Variants in ATXN2 observed in about 807,000 individuals in gnomAD.
ATXN2 encodes the protein ataxin-2.
A neutral mutation model predicts 138.6 loss-of-function variants in ATXN2; 37 were observed. The observed-to-expected ratio is 0.27, with a 90% CI of 0.21 to 0.35. ATXN2 has a LOEUF of 0.35. ATXN2 is among the 10% of genes least tolerant of loss of function. The probability of loss-of-function intolerance (pLI) is 1.00; values close to 1 mark genes in which losing one functional copy is unlikely to be tolerated. For missense variants in ATXN2, 1,216 were observed against 1,480.3 expected (o/e 0.82, Z 2.93); for synonymous variants, 549 against 543.7 (o/e 1.01, Z -0.13).
At position 111,598,549 on chromosome 12, in the gene ATXN2, G is replaced by A; in HGVS notation, c.251+235C>T. On this transcript the variant is annotated intron_variant, in intron 1 of 24. Transcript: ENST00000673436. This position sits in a 1 kb window ranked among gnomAD's most constrained non-coding sequence, Gnocchi z 4.5. ...GCCCGCTCCCTCCATCTTGACCGCC[G>A]GGGGAGGGGGCGGGGATGCTGCGGG... The A allele has an allele frequency of 3.1e-6, 3 of 982,960 alleles. No individual in the cohort carries two copies. The highest frequency in any genetic ancestry group is 3.6e-6 in the Non-Finnish European group (3 of 828,746). 60.9% of individuals were successfully genotyped at this position (982,960 alleles called of 1,614,324 possible). A position where few individuals can be genotyped will look rare whatever the true frequency, so the allele number is the denominator to read the frequency against.
rs1879970908 is a variant in ATXN2, at chr12:111,518,370, A to G, written c.1044T>C (p.Ser348=). 2 of 1,613,192 alleles carry G rather than the reference A, an allele frequency of 1.2e-6. No homozygotes were observed. Among genetic ancestry groups the G allele is most frequent in the Non-Finnish European group, 1.7e-6 (2 of 1,179,454 alleles). The change falls in exon 9 of 25, where the codon AGT becomes AGC. Residue 348 remains serine (S), a synonymous_variant. Coordinates refer to ENST00000673436, the MANE Select transcript of ATXN2 (RefSeq NM_001372574.1). ...CCATACGCGGTGAATTCTGTCTCCC[A>G]CTTCCCCAGGATATGACTTCTCTAT... is the stretch of plus-strand genomic sequence containing the variant. The part of the protein sequence containing the change: ...QRNREVISWG[S]GRQNSPRMGQ...
At chr12:111,494,210 G>A (rs779585454) in intron 14 of ATXN2, among the ~76,000 whole-genome samples, 12 of 152,112 alleles carry the variant, frequency 7.9e-5, no homozygotes, top group South Asian at 2.1e-4. Flanking sequence ...GATTACACAC[G>A]TGAACCACTG....
intron 15 of ATXN2, 106 bp downstream of exon 15, chr12:111,488,370 G>C (rs1592822817): frequency 8.3e-7 from 1 of 1,203,434 alleles, no homozygotes; most frequent in East Asian, 2.4e-5. Flanking sequence ...GTATAAAGTA[G>C]TCTAAAAGTC....
chr12:111,481,394 G>A (rs1394384056), intron 18 of ATXN2, among the ~76,000 whole-genome samples: 3 of 152,136 alleles, frequency 2.0e-5, no homozygotes, highest in African/African-American at 4.8e-5. Flanking sequence ...GCAGTGAGCC[G>A]AGATTGTGCC....
At chr12:111,485,180 T>C in intron 18 of ATXN2, 85 bp downstream of exon 18, 3 of 1,318,192 alleles carry the variant, frequency 2.3e-6, no homozygotes, top group Non-Finnish European at 3.2e-6. Context: ...AGAGCTAAAC[T>C]ACAACTATTT....
At chr12:111,527,196 A>G (rs1880550237) in intron 5 of ATXN2, among the ~76,000 whole-genome samples, 1 of 152,194 alleles carries the variant, frequency 6.6e-6, no homozygotes, top group Non-Finnish European at 1.5e-5. Flanking sequence ...ACAGGCTTGC[A>G]TTTAAATGAC....
intron 5 of ATXN2, among the ~76,000 whole-genome samples, chr12:111,527,771 T>A (rs990091294): frequency 2.6e-5 from 4 of 152,224 alleles, no homozygotes; most frequent in African/African-American, 9.6e-5. Context: ...AAGAGACTAA[T>A]GCTATCTTAC....
intron 1 of ATXN2, among the ~76,000 whole-genome samples, chr12:111,566,866 G>A (rs533920922): frequency 6.6e-6 from 1 of 152,206 alleles, no homozygotes; most frequent in East Asian, 1.9e-4. Context: ...TTGAACTCCT[G>A]ACTTCAGGTG....
At chr12:111,534,503 T>C (rs948446938) in intron 5 of ATXN2, among the ~76,000 whole-genome samples, 10 of 152,052 alleles carry the variant, frequency 6.6e-5, no homozygotes, top group African/African-American at 2.2e-4. Context: ...CTAGACACCA[T>C]GGTTGGGGGG....
intron 1 of ATXN2, among the ~76,000 whole-genome samples, chr12:111,591,179 G>A (rs991376594): frequency 3.3e-5 from 5 of 152,000 alleles, no homozygotes; most frequent in Middle Eastern, 3.4e-3. Context: ...GTGAGCCACC[G>A]TGCCCGGCCG....
chr12:111,561,659 C>A (rs541024563), intron 1 of ATXN2, among the ~76,000 whole-genome samples: 1 of 152,170 alleles, frequency 6.6e-6, no homozygotes, highest in African/African-American at 2.4e-5. Context: ...CATGGTGAAA[C>A]TCCACCTCTA....
chr12:111,529,841 GAAAT>G (rs1158702621), intron 5 of ATXN2, among the ~76,000 whole-genome samples: 1 of 152,128 alleles, frequency 6.6e-6, no homozygotes, highest in Non-Finnish European at 1.5e-5. Context: ...TTAAACATTA[GAAAT>G]AAATATACTT....
chr12:111,555,330 T>C (rs901594098), intron 2 of ATXN2, among the ~76,000 whole-genome samples: 3 of 152,200 alleles, frequency 2.0e-5, no homozygotes, highest in Admixed American at 6.5e-5. Context: ...ACAAATGATA[T>C]GGTTTGGTTC....
At chr12:111,493,418 CAAAAAAAAAAA>C (rs59185968) in intron 14 of ATXN2, among the ~76,000 whole-genome samples, 9 of 45,646 alleles carry the variant, frequency 2.0e-4, no homozygotes, top group African/African-American at 6.0e-4. Flanking sequence ...GACTCTGTCT[CAAAAAAAAAAA>C]AAAAAAAAAA....
chr12:111,481,441 C>CA (rs1382068854), intron 18 of ATXN2, among the ~76,000 whole-genome samples: 2 of 151,144 alleles, frequency 1.3e-5, no homozygotes, highest in South Asian at 2.1e-4. Context: ...CAAAACAATA[C>CA]AAAAAAACAA....
intron 14 of ATXN2, among the ~76,000 whole-genome samples, chr12:111,499,556 T>G (rs759161089): frequency 1.3e-5 from 2 of 149,636 alleles, no homozygotes; most frequent in Non-Finnish European, 1.5e-5. Flanking sequence ...ATACAAAAAT[T>G]AGGCAGACAT....
chr12:111,581,026 T>C (rs1883968813), intron 1 of ATXN2, among the ~76,000 whole-genome samples: 1 of 149,612 alleles, frequency 6.7e-6, no homozygotes, highest in Non-Finnish European at 1.5e-5. Flanking sequence ...TAGTCCCAGC[T>C]ACTTGGGAGG....
upstream of ATXN2, chr12:111,599,587 G>A: frequency 3.6e-6 from 4 of 1,109,942 alleles, no homozygotes; most frequent in Non-Finnish European, 4.4e-6. Context: ...GAAGTCGGAG[G>A]GGTCAGACGG....
intron 1 of ATXN2, among the ~76,000 whole-genome samples, chr12:111,565,613 T>G (rs1399468310): frequency 6.6e-6 from 1 of 152,182 alleles, no homozygotes; most frequent in Non-Finnish European, 1.5e-5. Context: ...ATAAATGTTG[T>G]GTGTTATGAC....
Sources: allele counts gnomAD v4.1 joint callset (sites outside exome capture counted in the v4.1 genomes callset), GRCh38; gene constraint gnomAD v4.1.1; non-coding constraint Gnocchi (gnomAD v3.1); transcripts MANE v1.5; gene names NCBI Gene and HGNC (gene_info 2026-07-23, HGNC 2026-07-21).